Variants in ARHGAP15 observed in about 807,000 individuals in gnomAD.
ARHGAP15 encodes the protein Rho GTPase activating protein 15, also known as rho GTPase-activating protein 15.
Under a neutral mutation model 63.7 loss-of-function variants are expected in ARHGAP15, and 51 were observed. The observed-to-expected ratio is 0.80, with a 90% CI of 0.64 to 1.01. The LOEUF is 1.01. ARHGAP15 is among the 50% of genes least tolerant of loss of function. The pLI, the probability that ARHGAP15 is intolerant of heterozygous loss-of-function variation, is 0.00. For synonymous variants in ARHGAP15, 191 were observed against 193.8 expected (o/e 0.99, Z 0.12); for missense variants, 560 against 564.6 (o/e 0.99, Z 0.08).
At chr2:143,567,244 T>G (rs1490909753) in intron 11 of ARHGAP15, among the ~76,000 whole-genome samples, 1 of 152,144 alleles carries the variant, frequency 6.6e-6, no homozygotes, top group Non-Finnish European at 1.5e-5. Context: ...ACCTTCCCTG[T>G]CTTGGTCTCC....
At chr2:143,446,056 G>A (rs545248024) in intron 8 of ARHGAP15, among the ~76,000 whole-genome samples, 1 of 151,516 alleles carries the variant, frequency 6.6e-6, no homozygotes, top group East Asian at 1.9e-4. Context: ...GAAAATTTGA[G>A]TACAGTTCTT....
chr2:143,331,324 TA>T (rs202025733), intron 6 of ARHGAP15, among the ~76,000 whole-genome samples: 1 of 151,862 alleles, frequency 6.6e-6, no homozygotes, highest in Non-Finnish European at 1.5e-5. Context: ...CAACTTTTTA[TA>T]AAAAAAAGCA....
rs180896094 is a variant in ARHGAP15 at position 143,304,405 on chromosome 2, G to A, written c.474+53805G>A. Among the ~76,000 whole-genome samples, 583 of 151,748 alleles carry A rather than the reference G, an allele frequency of 3.8e-3. 5 individuals carry two copies. The highest frequency in any genetic ancestry group is 0.013 in the African/African-American group (534 of 41,522). On this transcript the variant is annotated intron_variant, in intron 6 of 13. Coordinates refer to ENST00000295095, the MANE Select transcript of ARHGAP15 (RefSeq NM_018460.4). ...CACACATAGGTGGGAATTGAACAAT[G>A]AGAACACAGGGACACAGGAAGGGGA... is the stretch of plus-strand genomic sequence containing the variant.
intron 8 of ARHGAP15, among the ~76,000 whole-genome samples, chr2:143,443,240 T>C (rs1689973586): frequency 6.6e-6 from 1 of 152,106 alleles, no homozygotes; most frequent in Non-Finnish European, 1.5e-5. Flanking sequence ...AATAATAAGA[T>C]GAACAAACCA....
At chr2:143,489,873 A>C (rs958851121) in intron 9 of ARHGAP15, among the ~76,000 whole-genome samples, 1 of 152,216 alleles carries the variant, frequency 6.6e-6, no homozygotes, top group Non-Finnish European at 1.5e-5. Context: ...CCAGATCGGC[A>C]CAAAAGGCCT....
chr2:143,362,031 A>C lies in ARHGAP15; in HGVS notation c.475-73570A>C, dbSNP rs570380253. On this transcript the variant is annotated intron_variant, in intron 6 of 13. Transcript: ENST00000295095. Reference sequence around the variant, plus strand: ...CATCCTGGAAGCCTACCTACAAGTTACCAAAGTTTAAGTTGGTTTTCCAGA... The same window carrying C: ...CATCCTGGAAGCCTACCTACAAGTTCCCAAAGTTTAAGTTGGTTTTCCAGA... Among the ~76,000 whole-genome samples the C allele has an allele frequency of 4.8e-4, 73 of 152,232 alleles. 2 individuals are homozygous for C. In the South Asian group the frequency reaches 0.015, roughly 31 times the overall value.
At chr2:143,519,431 A>G in intron 10 of ARHGAP15, 67 bp downstream of exon 10, 1 of 1,267,954 alleles carries the variant, frequency 7.9e-7, no homozygotes, top group Non-Finnish European at 1.1e-6. Flanking sequence ...TACTCAAGTT[A>G]GCAGTGCCAC....
chr2:143,703,797 G>A (rs1480558943), intron 13 of ARHGAP15: 2 of 265,894 alleles, frequency 7.5e-6, no homozygotes. Context: ...CTGGACCCTG[G>A]GATGGGTCAT....
intron 6 of ARHGAP15, among the ~76,000 whole-genome samples, chr2:143,285,080 A>G (rs145153545): frequency 1.1e-4 from 17 of 152,334 alleles, no homozygotes; most frequent in African/African-American, 4.1e-4. Context: ...AATCTTTGTG[A>G]CAAGATCGCT....
chr2:143,209,402 T>G (rs902775317), intron 3 of ARHGAP15, among the ~76,000 whole-genome samples: 2 of 152,118 alleles, frequency 1.3e-5, no homozygotes, highest in Non-Finnish European at 2.9e-5. Context: ...ATTCAAGTAT[T>G]TGTTGAGGCC....
chr2:143,198,439 A>G (rs1202829943), intron 2 of ARHGAP15, among the ~76,000 whole-genome samples: 1 of 151,860 alleles, frequency 6.6e-6, no homozygotes. Flanking sequence ...CATACCATAA[A>G]TTACTTATTT....
intron 6 of ARHGAP15, among the ~76,000 whole-genome samples, chr2:143,400,225 G>A (rs1259129231): frequency 6.6e-6 from 1 of 151,896 alleles, no homozygotes; most frequent in African/African-American, 2.4e-5. Flanking sequence ...ATTTGGGTGG[G>A]TTACAGATTT....
At chr2:143,175,366 G>T (rs953696566) in intron 2 of ARHGAP15, among the ~76,000 whole-genome samples, 1 of 152,176 alleles carries the variant, frequency 6.6e-6, no homozygotes, top group African/African-American at 2.4e-5. Flanking sequence ...TAAGTTTTGG[G>T]ACAGGAAGAA....
intron 13 of ARHGAP15, among the ~76,000 whole-genome samples, chr2:143,764,592 G>A (rs1261761139): frequency 1.3e-5 from 2 of 152,186 alleles, no homozygotes; most frequent in South Asian, 2.1e-4. Flanking sequence ...TTTGAGAGCT[G>A]AGTTATCCCT....
chr2:143,680,347 TGCA>T (rs1426866291), intron 12 of ARHGAP15, among the ~76,000 whole-genome samples: 1 of 152,358 alleles, frequency 6.6e-6, no homozygotes, highest in African/African-American at 2.4e-5. Flanking sequence ...GTGGAAAACT[TGCA>T]GCAATTGTAG....
intron 6 of ARHGAP15, among the ~76,000 whole-genome samples, chr2:143,410,689 T>G (rs766447621): frequency 6.6e-6 from 1 of 152,026 alleles, no homozygotes; most frequent in Non-Finnish European, 1.5e-5. Context: ...AAATATGTAG[T>G]GTATATGTGT....
At chr2:143,730,928 GCT>G (rs1559149788) in intron 13 of ARHGAP15, among the ~76,000 whole-genome samples, 14 of 87,734 alleles carry the variant, frequency 1.6e-4, no homozygotes, top group African/African-American at 6.1e-4. Flanking sequence ...AGGGAAAAAG[GCT>G]TTTTTTTTTT....
chr2:143,140,381 A>C (rs562000580), intron 1 of ARHGAP15, among the ~76,000 whole-genome samples: 1 of 152,306 alleles, frequency 6.6e-6, no homozygotes, highest in South Asian at 2.1e-4. Flanking sequence ...ATTAATATTT[A>C]TCACATAAAA....
rs572111248 is a variant in ARHGAP15 at position 143,598,122 on chromosome 2, A to G, written c.1004-26011A>G. ...GAATTTTACAGGACACATACAGACC[A>G]TAGCAGTTATTATAAGGACATATTT... On this transcript the variant is annotated intron_variant, in intron 11 of 13. Coordinates refer to ENST00000295095, the MANE Select transcript of ARHGAP15 (RefSeq NM_018460.4). 3.3e-5 allele frequency: 5 copies of G among 152,328 alleles called. No individual in the cohort carries two copies. The South Asian group carries it at 1.0e-3, about 32-fold the overall frequency. The allele number at this position is 152,328 out of a possible 1,614,324, so 9.4% of individuals were successfully genotyped here. A position where few individuals can be genotyped will look rare whatever the true frequency, so the allele number is the denominator to read the frequency against.
Sources: gnomAD v4.1 joint callset for allele counts (sites outside exome capture counted in the v4.1 genomes callset) on GRCh38, gnomAD v4.1.1 for gene constraint, MANE v1.5 for transcripts, NCBI Gene and HGNC (gene_info 2026-07-23, HGNC 2026-07-21) for gene names.